The following GRID2 variants were observed in gnomAD, a reference collection of about 807,000 sequenced individuals.
The protein encoded by GRID2 is glutamate receptor ionotropic, delta-2.
In GRID2, 33 loss-of-function variants were observed where a neutral mutation model predicts 114.8. That is an observed-to-expected ratio of 0.29 (90% CI 0.22 to 0.38). The LOEUF (loss-of-function observed/expected upper bound fraction) is 0.38, where lower values mean the gene tolerates loss of function less well. GRID2 is among the 10% of genes least tolerant of loss of function. The pLI, the probability that GRID2 is intolerant of heterozygous loss-of-function variation, is 1.00. For synonymous variants in GRID2, 505 were observed against 449.9 expected, an observed-to-expected ratio of 1.12 and a Z score of -1.55; for missense variants, 1,184 against 1,257.7, an observed-to-expected ratio of 0.94 and a Z score of 0.89.
chr4:93,463,140 T>G (rs1723911322), intron 11 of GRID2, among the ~76,000 whole-genome samples: 3 of 152,182 alleles, frequency 2.0e-5, no homozygotes, highest in African/African-American at 7.2e-5. Flanking sequence ...CATGCTGATT[T>G]AAAACATGAC....
At chr4:93,465,386 A>G (rs559520111) in intron 11 of GRID2, among the ~76,000 whole-genome samples, 1 of 152,354 alleles carries the variant, frequency 6.6e-6, no homozygotes, top group African/African-American at 2.4e-5. Context: ...TCAGTAACAT[A>G]AATATCTAAC....
intron 1 of GRID2, among the ~76,000 whole-genome samples, chr4:92,345,097 T>G (rs564764914): frequency 1.3e-5 from 2 of 152,328 alleles, no homozygotes; most frequent in East Asian, 3.9e-4. Context: ...ATTTACAACT[T>G]TATAGCTTAG....
At chr4:92,886,683 C>T (rs142061013) in intron 2 of GRID2, among the ~76,000 whole-genome samples, 2,777 of 152,092 alleles carry the variant, frequency 0.018, 42 homozygotes, top group East Asian at 0.054. Context: ...TGGAGCGCAG[C>T]GGAGCGATTT....
chr4:93,791,109 A>G (rs1183023047), intron 1 of GRID2, among the ~76,000 whole-genome samples: 2 of 152,210 alleles, frequency 1.3e-5, no homozygotes, highest in Non-Finnish European at 2.9e-5. Context: ...TCCAGTTCTA[A>G]AAGATCTTTC....
At chr4:93,443,417 C>T (rs1277985835) in intron 10 of GRID2, among the ~76,000 whole-genome samples, 1 of 151,296 alleles carries the variant, frequency 6.6e-6, no homozygotes, top group Non-Finnish European at 1.5e-5. Context: ...GACATATGTG[C>T]TGAAAAAAAT....
At chr4:92,689,300 C>T (rs1167692824) in intron 2 of GRID2, among the ~76,000 whole-genome samples, 1 of 152,226 alleles carries the variant, frequency 6.6e-6, no homozygotes, top group Non-Finnish European at 1.5e-5. Context: ...GCACTGACTT[C>T]TCCTCTCTAG....
At chr4:92,554,266 G>A (rs1246056390) in intron 1 of GRID2, among the ~76,000 whole-genome samples, 1 of 152,132 alleles carries the variant, frequency 6.6e-6, no homozygotes, top group Admixed American at 6.6e-5. Flanking sequence ...AACCTATAGT[G>A]ATGCCGTCTA....
At chr4:92,508,196 A>C (rs1724069796) in intron 1 of GRID2, among the ~76,000 whole-genome samples, 2 of 151,936 alleles carry the variant, frequency 1.3e-5, no homozygotes, top group African/African-American at 4.8e-5. Context: ...ATTCAGAAAC[A>C]GTTGTTGTAT....
intron 1 of GRID2, among the ~76,000 whole-genome samples, chr4:92,568,897 AT>A (rs1235350222): frequency 6.6e-6 from 1 of 152,072 alleles, no homozygotes; most frequent in African/African-American, 2.4e-5. Context: ...TGCAAATAAT[AT>A]GATCTTGTTC....
chr4:93,460,059 TA>T (rs932055545), intron 11 of GRID2, among the ~76,000 whole-genome samples: 4 of 152,316 alleles, frequency 2.6e-5, no homozygotes, highest in African/African-American at 7.2e-5. Flanking sequence ...AGGAGTCTCA[TA>T]AGTCTTTCTT....
chr4:92,962,374 C>T lies in GRID2; in HGVS notation c.245-122621C>T, dbSNP rs1443948808. Among the ~76,000 whole-genome samples the T allele has an allele frequency of 2.6e-5, 4 of 151,832 alleles. No homozygotes were observed. In the East Asian group the frequency reaches 7.8e-4, roughly 30 times the overall value. On this transcript the variant is annotated intron_variant, in intron 2 of 15. Coordinates refer to ENST00000282020, the MANE Select transcript of GRID2 (RefSeq NM_001510.4). ...ACTCGGTCTTTTAGTGAGCCTGTGC[C>T]TCTGGACTGCAACCTTCACAAGTGC...
chr4:92,411,645 G>GTATA (rs1390740726), intron 1 of GRID2, among the ~76,000 whole-genome samples: 8 of 92,858 alleles, frequency 8.6e-5, no homozygotes, highest in African/African-American at 3.6e-4. Flanking sequence ...GTGTGTGTGT[G>GTATA]TGTGTGTGTG....
At chr4:92,461,142 A>T (rs1346806011) in intron 1 of GRID2, among the ~76,000 whole-genome samples, 1 of 151,750 alleles carries the variant, frequency 6.6e-6, no homozygotes. Flanking sequence ...TGAAAGAATA[A>T]GTGTTTAAAG....
At chr4:93,056,653 TAA>T in intron 2 of GRID2, among the ~76,000 whole-genome samples, 1 of 151,984 alleles carries the variant, frequency 6.6e-6, no homozygotes, top group East Asian at 1.9e-4. Context: ...TATTGTTCAT[TAA>T]TAAGAGTATT....
chr4:92,772,278 C>G (rs2149352940), intron 2 of GRID2, among the ~76,000 whole-genome samples: 1 of 152,196 alleles, frequency 6.6e-6, no homozygotes, highest in East Asian at 1.9e-4. Context: ...GGAGCCAGAC[C>G]AAAGTTTATC....
chr4:92,350,808 C>T (rs956285170), intron 1 of GRID2, among the ~76,000 whole-genome samples: 3 of 151,746 alleles, frequency 2.0e-5, no homozygotes, highest in African/African-American at 7.2e-5. Context: ...GAAGTCTATA[C>T]TTAATAGTGG....
At position 92,372,868 on chromosome 4, in the gene GRID2, A is replaced by G. The variant is rs185225725; in HGVS notation, c.88+68124A>G. On this transcript the variant is annotated intron_variant, in intron 1 of 15. Transcript: ENST00000282020. ...TATAAGTTATACTCCAGAAAATTTT[A>G]AATTATTAATAAGAACATCTGATTC... Among the ~76,000 whole-genome samples the G allele has an allele frequency of 4.3e-3, 658 of 152,312 alleles. 8 individuals carry two copies. Among genetic ancestry groups the G allele is most frequent in the African/African-American group, 0.015 (619 of 41,588 alleles).
chr4:93,037,762 T>C (rs1258372072), intron 2 of GRID2, among the ~76,000 whole-genome samples: 1 of 152,144 alleles, frequency 6.6e-6, no homozygotes, highest in Non-Finnish European at 1.5e-5. Context: ...ATGTGTGGCA[T>C]TATTTCTGAG....
intron 4 of GRID2, among the ~76,000 whole-genome samples, chr4:93,180,536 A>G (rs1048504417): frequency 4.6e-5 from 7 of 152,128 alleles, no homozygotes; most frequent in African/African-American, 1.7e-4. Flanking sequence ...TCCTTTCACA[A>G]AAGGTTTTCT....
Sources: allele counts gnomAD v4.1 joint callset (sites outside exome capture counted in the v4.1 genomes callset), GRCh38; gene constraint gnomAD v4.1.1; transcripts MANE v1.5; gene names NCBI Gene and HGNC (gene_info 2026-07-23, HGNC 2026-07-21).